RTTN: variants seen among roughly 807,000 people sequenced by gnomAD.
RTTN encodes the protein rotatin.
RTTN carries 182 observed loss-of-function variants against 269.2 expected under a neutral mutation model. The observed-to-expected ratio is 0.68, with a 90% CI of 0.60 to 0.76. The LOEUF (loss-of-function observed/expected upper bound fraction) is 0.76. RTTN is among the 30% of genes least tolerant of loss of function. The pLI is 0.00. For missense variants in RTTN, 2,545 were observed against 2,608.6 expected (o/e 0.98, Z 0.53); for synonymous variants, 1,006 against 963.5 (o/e 1.04, Z -0.82).
At chr18:70,005,446 G>GAAGTGC (rs2056155049) in intron 47 of RTTN, 179 bp from the exon 48 acceptor site, 1 of 432,264 alleles carries the variant, frequency 2.3e-6, no homozygotes, top group Non-Finnish European at 4.1e-6. Context: ...TGCACATTCT[G>GAAGTGC]AAGTCTTGCC....
intron 36 of RTTN, 49 bp downstream of exon 36, chr18:70,059,801 G>A (rs1334922585): frequency 4.7e-6 from 6 of 1,267,176 alleles, no homozygotes; most frequent in Non-Finnish European, 5.4e-6. Context: ...TACAGTTTGT[G>A]TAAATTTATC....
chr18:70,176,302 T>C (rs934795348), intron 11 of RTTN, among the ~76,000 whole-genome samples: 2 of 152,126 alleles, frequency 1.3e-5, no homozygotes, highest in African/African-American at 4.8e-5. Context: ...CTAAGTTCCA[T>C]GAGGCCAGGG....
chr18:70,008,478 T>C (rs2056265858), intron 46 of RTTN: 1 of 152,052 alleles, frequency 6.6e-6, no homozygotes, highest in African/African-American at 2.4e-5. Flanking sequence ...AAGCATGTTC[T>C]AACCCAATGC....
chr18:70,130,022 A>G (rs576467484), intron 23 of RTTN: 1 of 152,220 alleles, frequency 6.6e-6, no homozygotes, highest in South Asian at 2.1e-4. Context: ...CAGGTATATG[A>G]AAAAATTCTC....
chr18:70,160,264 C>T (rs1056008535), intron 14 of RTTN, among the ~76,000 whole-genome samples: 2 of 151,684 alleles, frequency 1.3e-5, no homozygotes, highest in Non-Finnish European at 2.9e-5. Flanking sequence ...CCACTGGATG[C>T]AAGGTTGATT....
At position 70,193,483 on chromosome 18, in the gene RTTN, T is replaced by C. The variant is rs283250; in HGVS notation, c.842-30A>G. 1,397,407 of 1,421,436 alleles carry C rather than the reference T, an allele frequency of 0.98. 687,538 individuals are homozygous for C. Among genetic ancestry groups the C allele is most frequent in the East Asian group, 1 (38,667 of 38,668 alleles). 88.1% of individuals were successfully genotyped at this position (1,421,436 alleles called of 1,614,324 possible). On this transcript the variant is annotated intron_variant, in intron 7 of 48. Transcript: ENST00000640769. ...GGAAACAAAGAAAAAATAAAATTAT[T>C]CTTTAGTAGAAACAGACTTCTGACT...
intron 5 of RTTN, among the ~76,000 whole-genome samples, 182 bp from the exon 6 acceptor site, chr18:70,197,920 C>G (rs1159522483): frequency 1.3e-5 from 2 of 152,110 alleles, no homozygotes; most frequent in African/African-American, 4.8e-5. Flanking sequence ...GTGCTCCTTC[C>G]GTTTGTCCAT....
At chr18:70,179,051 C>T (rs2061363563) in intron 10 of RTTN, among the ~76,000 whole-genome samples, 1 of 152,084 alleles carries the variant, frequency 6.6e-6, no homozygotes, top group South Asian at 2.1e-4. Flanking sequence ...TTTAAACATA[C>T]TTTACCACAA....
chr18:70,152,920 G>A (rs2060576347), intron 14 of RTTN, among the ~76,000 whole-genome samples: 1 of 152,106 alleles, frequency 6.6e-6, no homozygotes. Context: ...ACTGTACTTA[G>A]AATACAATTC....
intron 27 of RTTN, among the ~76,000 whole-genome samples, chr18:70,110,068 T>C (rs1387733762): frequency 1.3e-5 from 2 of 151,266 alleles, no homozygotes; most frequent in African/African-American, 4.9e-5. Flanking sequence ...AAAATAAAAT[T>C]AAAGTAAAAA....
chr18:70,111,955 C>T (rs1291470023), intron 27 of RTTN, among the ~76,000 whole-genome samples: 1 of 152,234 alleles, frequency 6.6e-6, no homozygotes, highest in Non-Finnish European at 1.5e-5. Flanking sequence ...AACAGCAGAT[C>T]TCTCAGCAGA....
At chr18:70,127,438 G>C in intron 25 of RTTN, 64 bp downstream of exon 25, 1 of 1,562,116 alleles carries the variant, frequency 6.4e-7, no homozygotes, top group Non-Finnish European at 8.7e-7. Context: ...TCAAAGGTTA[G>C]GAGATGAACA....
At chr18:70,016,797 G>C (rs2056552147) in intron 46 of RTTN, among the ~76,000 whole-genome samples, 1 of 151,934 alleles carries the variant, frequency 6.6e-6, no homozygotes, top group African/African-American at 2.4e-5. Flanking sequence ...TTTATTGAGT[G>C]CTCGCTAGTT....
intron 4 of RTTN, among the ~76,000 whole-genome samples, chr18:70,200,796 GT>G (rs2061926095): frequency 6.6e-6 from 1 of 152,178 alleles, no homozygotes; most frequent in Non-Finnish European, 1.5e-5. Context: ...CAAGGACAAA[GT>G]TTTCAACCTT....
intron 10 of RTTN, among the ~76,000 whole-genome samples, chr18:70,185,927 A>C (rs2061533718): frequency 6.6e-6 from 1 of 152,138 alleles, no homozygotes; most frequent in Non-Finnish European, 1.5e-5. Context: ...GGCATTGAAA[A>C]GAATACTTAA....
rs757931125 is a variant in RTTN, at chr18:70,075,422, G to A, written c.4494C>T (p.Tyr1498=). ...TCAAATCAAACATACACCGTCCTAG[G>A]TAACAATGCTTTACCATCTGATTCA... is the stretch of plus-strand genomic sequence containing the variant. ...EHLNQMVKHC[Y]LGRCMFDLNF... The change falls in exon 33 of 49, where the codon TAC becomes TAT. Residue 1498 remains tyrosine, a synonymous_variant. Transcript: ENST00000640769. The A allele has an allele frequency of 5.6e-6, 9 of 1,607,120 alleles. No individual in the cohort carries two copies. In the South Asian group the frequency reaches 1.0e-4, roughly 18 times the overall value.
At chr18:70,082,830 T>C (rs191786273) in intron 32 of RTTN, among the ~76,000 whole-genome samples, 5 of 151,986 alleles carry the variant, frequency 3.3e-5, no homozygotes, top group Admixed American at 2.0e-4. Flanking sequence ...AGCTAGGGAC[T>C]ACAGGTGCAT....
intron 46 of RTTN, 79 bp downstream of exon 46, chr18:70,017,328 T>C: frequency 1.5e-6 from 2 of 1,336,162 alleles, no homozygotes; most frequent in Non-Finnish European, 2.1e-6. Context: ...TAGAAAATTA[T>C]TTATAAAATT....
intron 28 of RTTN, among the ~76,000 whole-genome samples, chr18:70,095,964 C>T (rs962259568): frequency 6.6e-6 from 1 of 151,706 alleles, no homozygotes; most frequent in African/African-American, 2.4e-5. Context: ...TCACATAGTC[C>T]CATATTTCTT....
Sources: gnomAD v4.1 joint callset for allele counts (sites outside exome capture counted in the v4.1 genomes callset) on GRCh38, gnomAD v4.1.1 for gene constraint, MANE v1.5 for transcripts, NCBI Gene and HGNC (gene_info 2026-07-23, HGNC 2026-07-21) for gene names.